ANKS1B: variants seen among roughly 807,000 people sequenced by gnomAD.
ANKS1B encodes the protein ankyrin repeat and sterile alpha motif domain containing 1B, also known as ankyrin repeat and sterile alpha motif domain-containing protein 1B.
ANKS1B carries 36 observed loss-of-function variants against 148.3 expected under a neutral mutation model. The observed-to-expected ratio is 0.24, with a 90% CI of 0.19 to 0.32. ANKS1B has a LOEUF of 0.32. Among genes scored for constraint, ANKS1B ranks in the 10% least tolerant of loss-of-function variants. The pLI, the probability that ANKS1B is intolerant of heterozygous loss-of-function variation, is 1.00. For missense variants in ANKS1B, 1,157 were observed against 1,542.6 expected, an observed-to-expected ratio of 0.75 and a Z score of 4.19; for synonymous variants, 542 against 560.8, an observed-to-expected ratio of 0.97 and a Z score of 0.47.
rs140245399 is a variant in ANKS1B, at chr12:99,882,046, T to C, written c.135-56657A>G. Among the ~76,000 whole-genome samples the C allele has an allele frequency of 5.4e-3, 816 of 152,156 alleles. 6 individuals are homozygous for C. The highest frequency in any genetic ancestry group is 0.014 in the Middle Eastern group (4 of 294). On this transcript the variant is annotated intron_variant, in intron 1 of 26. Transcript: ENST00000683438. ...CTATTAAAAACACTCTTGAAATAAA[T>C]AGAAAGTTTCAGCAAGGAAATAGAA...
At chr12:99,030,933 TCTACC>T (rs2099951726) in intron 17 of ANKS1B, among the ~76,000 whole-genome samples, 1 of 152,174 alleles carries the variant, frequency 6.6e-6, no homozygotes, top group Admixed American at 6.5e-5. Flanking sequence ...TCTGAATCCG[TCTACC>T]CTAGCTCACC....
chr12:99,625,816 A>C (rs1029411545), intron 9 of ANKS1B, among the ~76,000 whole-genome samples: 1 of 152,142 alleles, frequency 6.6e-6, no homozygotes, highest in Non-Finnish European at 1.5e-5. Flanking sequence ...GAGTAGTAAG[A>C]AAAGAAATGG....
chr12:99,167,060 T>C (rs999935192), intron 14 of ANKS1B, among the ~76,000 whole-genome samples: 3 of 151,946 alleles, frequency 2.0e-5, no homozygotes, highest in African/African-American at 7.2e-5. Flanking sequence ...AATACCTATA[T>C]GCCAAAAAAA....
chr12:99,035,156 C>T (rs2099954734), intron 17 of ANKS1B, among the ~76,000 whole-genome samples: 1 of 152,186 alleles, frequency 6.6e-6, no homozygotes, highest in African/African-American at 2.4e-5. Context: ...GCTATAGAAA[C>T]TAGGATCCCT....
At chr12:99,725,571 C>T (rs1471930667) in intron 8 of ANKS1B, among the ~76,000 whole-genome samples, 5 of 152,130 alleles carry the variant, frequency 3.3e-5, no homozygotes, top group Non-Finnish European at 7.4e-5. Context: ...TTCTAACACC[C>T]TACTGTCAAT....
At chr12:99,549,895 T>C (rs147034296) in intron 9 of ANKS1B, among the ~76,000 whole-genome samples, 85 of 152,034 alleles carry the variant, frequency 5.6e-4, no homozygotes, top group Admixed American at 1.5e-3. Context: ...CTGCAGAAAA[T>C]TCCTCCCTTT....
intron 17 of ANKS1B, among the ~76,000 whole-genome samples, chr12:98,981,130 A>G (rs1446851769): frequency 6.6e-6 from 1 of 151,198 alleles, no homozygotes. Flanking sequence ...ACATAGTGAG[A>G]CTCTGTCTCT....
At chr12:98,926,203 C>A (rs1394435635) in intron 17 of ANKS1B, among the ~76,000 whole-genome samples, 1 of 152,130 alleles carries the variant, frequency 6.6e-6, no homozygotes, top group Non-Finnish European at 1.5e-5. Flanking sequence ...TTAATACACA[C>A]ACATAGTCCT....
chr12:99,407,323 CA>C (rs2094554937), intron 11 of ANKS1B, among the ~76,000 whole-genome samples: 1 of 145,536 alleles, frequency 6.9e-6, no homozygotes, highest in African/African-American at 2.6e-5. Flanking sequence ...TGATAAAATT[CA>C]ACATCCCTTC....
chr12:99,747,310 A>G (rs1487280408), intron 8 of ANKS1B, among the ~76,000 whole-genome samples: 1 of 152,174 alleles, frequency 6.6e-6, no homozygotes, highest in South Asian at 2.1e-4. Flanking sequence ...TCTGAGTTGC[A>G]GAAGAGAGTG....
chr12:99,822,429 T>C (rs899902042), intron 2 of ANKS1B, among the ~76,000 whole-genome samples: 1 of 152,178 alleles, frequency 6.6e-6, no homozygotes, highest in African/African-American at 2.4e-5. Context: ...TAGTACCCAA[T>C]AGTTTTTCAA....
chr12:99,527,782 AAAT>A (rs977825585), intron 9 of ANKS1B, among the ~76,000 whole-genome samples: 2 of 152,192 alleles, frequency 1.3e-5, no homozygotes, highest in Non-Finnish European at 2.9e-5. Flanking sequence ...GTTGTGAATG[AAAT>A]AATAAAATCA....
chr12:98,789,609 C>T (rs2098830090), intron 22 of ANKS1B, among the ~76,000 whole-genome samples: 1 of 152,004 alleles, frequency 6.6e-6, no homozygotes, highest in African/African-American at 2.4e-5. Flanking sequence ...TTTGATCCAG[C>T]CATTCTATAT....
intron 12 of ANKS1B, among the ~76,000 whole-genome samples, chr12:99,362,061 T>C (rs118003677): frequency 0.011 from 1,599 of 152,134 alleles, 12 homozygotes; most frequent in Non-Finnish European, 0.015. Flanking sequence ...AAAATCCTAA[T>C]AATCGACTTC....
intron 12 of ANKS1B, among the ~76,000 whole-genome samples, chr12:99,363,529 TCAGCATTC>T (rs1247893299): frequency 1.3e-5 from 2 of 152,072 alleles, no homozygotes; most frequent in Non-Finnish European, 2.9e-5. Context: ...TGAAAAATAG[TCAGCATTC>T]CAGCAGAGGC....
At chr12:98,941,664 C>T (rs971332554) in intron 17 of ANKS1B, among the ~76,000 whole-genome samples, 6 of 152,164 alleles carry the variant, frequency 3.9e-5, no homozygotes, top group Admixed American at 3.9e-4. Flanking sequence ...AATCTCAGGG[C>T]AAATCTGCCC....
At chr12:99,250,774 C>T (rs2074483840) in intron 12 of ANKS1B, among the ~76,000 whole-genome samples, 2 of 152,172 alleles carry the variant, frequency 1.3e-5, no homozygotes, top group South Asian at 4.1e-4. Flanking sequence ...ATTTCCACAT[C>T]TGGAAAATGA....
intron 22 of ANKS1B, among the ~76,000 whole-genome samples, chr12:98,791,685 G>A (rs1012761434): frequency 6.6e-6 from 1 of 152,166 alleles, no homozygotes; most frequent in Non-Finnish European, 1.5e-5. Flanking sequence ...AGCTTCCCAA[G>A]TAGCTGGGAG....
At chr12:99,743,978 A>G (rs1156481332) in intron 8 of ANKS1B, among the ~76,000 whole-genome samples, 1 of 152,214 alleles carries the variant, frequency 6.6e-6, no homozygotes, top group Non-Finnish European at 1.5e-5. Flanking sequence ...GCCAATGGTG[A>G]TACCAGAAAG....
Sources: allele counts gnomAD v4.1 joint callset (sites outside exome capture counted in the v4.1 genomes callset), GRCh38; gene constraint gnomAD v4.1.1; transcripts MANE v1.5; gene names NCBI Gene and HGNC (gene_info 2026-07-23, HGNC 2026-07-21).